The following SLC25A31 variants were observed in gnomAD, a reference collection of about 807,000 sequenced individuals.
SLC25A31 encodes the protein ADP/ATP translocase 4.
A neutral mutation model predicts 36.2 loss-of-function variants in SLC25A31; 40 were observed. The observed-to-expected ratio is 1.10, with a 90% CI of 0.86 to 1.44. The LOEUF is 1.44. Ranked by LOEUF, SLC25A31 falls within the 40% of genes most tolerant of loss-of-function variation. The pLI, the probability that SLC25A31 is intolerant of heterozygous loss-of-function variation, is 0.00. For synonymous variants in SLC25A31, 143 were observed against 149.7 expected, an observed-to-expected ratio of 0.96 and a Z score of 0.32; for missense variants, 350 against 397.1, an observed-to-expected ratio of 0.88 and a Z score of 1.01.
rs1474518955 is a variant in SLC25A31, at chr4:127,742,648, G to T, written c.233-2024G>T. Among the ~76,000 whole-genome samples, 5 of 152,192 alleles carry T rather than the reference G, an allele frequency of 3.3e-5. No homozygotes were observed. The South Asian group carries it at 1.0e-3, about 32-fold the overall frequency. The stretch of plus-strand genomic sequence containing the variant: ...ACCTAGACTAAACCCTTGGCATTTT[G>T]GTAACACTAATTTTTATTATCTCTC... On this transcript the variant is annotated intron_variant, in intron 1 of 5. Transcript: ENST00000281154.
chr4:127,742,786 C>T, intron 1 of SLC25A31, among the ~76,000 whole-genome samples: 1 of 152,176 alleles, frequency 6.6e-6, no homozygotes, highest in East Asian at 1.9e-4. Context: ...CTATAAACTT[C>T]TCTCTTAACT....
intron 1 of SLC25A31, among the ~76,000 whole-genome samples, chr4:127,734,437 A>G (rs943451748): frequency 3.3e-5 from 5 of 151,654 alleles, no homozygotes; most frequent in African/African-American, 9.7e-5. Flanking sequence ...GCGCACGCCT[A>G]TAGTCCCAGC....
At chr4:127,764,930 C>T (rs1399252507) in intron 3 of SLC25A31, among the ~76,000 whole-genome samples, 3 of 152,108 alleles carry the variant, frequency 2.0e-5, no homozygotes, top group Non-Finnish European at 4.4e-5. Flanking sequence ...TTCACAATTA[C>T]GAAAATATTA....
intron 5 of SLC25A31, among the ~76,000 whole-genome samples, chr4:127,772,655 C>T (rs1347316310): frequency 6.6e-6 from 1 of 151,992 alleles, no homozygotes; most frequent in East Asian, 1.9e-4. Flanking sequence ...TCATTAATTT[C>T]CTTATAAATT....
At chr4:127,743,260 AGTT>A (rs1731765133) in intron 1 of SLC25A31, among the ~76,000 whole-genome samples, 1 of 151,524 alleles carries the variant, frequency 6.6e-6, no homozygotes, top group Admixed American at 6.6e-5. Context: ...CCTCCTGAGT[AGTT>A]GGAACTACAG....
intron 2 of SLC25A31, among the ~76,000 whole-genome samples, 194 bp downstream of exon 2, chr4:127,744,993 T>TA (rs1330581933): frequency 6.6e-6 from 1 of 152,320 alleles, no homozygotes; most frequent in Admixed American, 6.5e-5. Flanking sequence ...TGTTTATTGT[T>TA]ACAAAAATCA....
chr4:127,730,842 G>A lies in SLC25A31; in HGVS notation c.232+65G>A, dbSNP rs747625068. ...CCCTCGTCAGCTTCCCAGAGAAGAG[G>A]GTGGCTGGGAGGGGCATGATTGTGG... On this transcript the variant is annotated intron_variant, in intron 1 of 5. Transcript: ENST00000281154. The A allele has an allele frequency of 5.5e-5, 82 of 1,479,234 alleles. No homozygotes were observed. The Middle Eastern group carries it at 9.3e-4, about 17-fold the overall frequency. 91.6% of individuals were successfully genotyped at this position (1,479,234 alleles called of 1,614,324 possible). A position where few individuals can be genotyped will look rare whatever the true frequency, so the allele number is the denominator to read the frequency against.
intron 2 of SLC25A31, among the ~76,000 whole-genome samples, chr4:127,761,212 A>G (rs552487866): frequency 2.0e-5 from 3 of 152,124 alleles, no homozygotes; most frequent in East Asian, 1.9e-4. Flanking sequence ...TCGTTTTTTC[A>G]TAGCTCCCAC....
intron 2 of SLC25A31, among the ~76,000 whole-genome samples, chr4:127,746,817 T>G (rs563018431): frequency 6.6e-6 from 1 of 152,324 alleles, no homozygotes; most frequent in Admixed American, 6.5e-5. Flanking sequence ...TTGCAATTGC[T>G]TTTGGTGTCT....
intron 1 of SLC25A31, 117 bp downstream of exon 1, chr4:127,730,894 G>A (rs929573512): frequency 3.0e-6 from 3 of 993,454 alleles, no homozygotes; most frequent in African/African-American, 1.6e-5. Context: ...TACAGCTGTC[G>A]GTGATGAATT....
At chr4:127,730,912 T>C in intron 1 of SLC25A31, 135 bp downstream of exon 1, 1 of 876,968 alleles carries the variant, frequency 1.1e-6, no homozygotes, top group Non-Finnish European at 1.7e-6. Flanking sequence ...ATTTGCTTCT[T>C]ACCCTTCCAG....
chr4:127,750,759 C>CAA (rs75329434), intron 2 of SLC25A31, among the ~76,000 whole-genome samples: 1 of 143,880 alleles, frequency 7.0e-6, no homozygotes, highest in East Asian at 2.0e-4. Context: ...CTAGTAAATA[C>CAA]AAAAAAAAAG....
At chr4:127,748,807 T>G (rs1458407761) in intron 2 of SLC25A31, among the ~76,000 whole-genome samples, 1 of 152,104 alleles carries the variant, frequency 6.6e-6, no homozygotes, top group Non-Finnish European at 1.5e-5. Flanking sequence ...TTTCTAAGAC[T>G]GCAAGAAAAG....
At chr4:127,760,416 G>A (rs546979909) in intron 2 of SLC25A31, among the ~76,000 whole-genome samples, 2 of 152,270 alleles carry the variant, frequency 1.3e-5, no homozygotes, top group South Asian at 2.1e-4. Flanking sequence ...TGCTCCACTA[G>A]TTTGTTCCAA....
At chr4:127,756,927 C>T (rs1450469439) in intron 2 of SLC25A31, among the ~76,000 whole-genome samples, 1 of 152,140 alleles carries the variant, frequency 6.6e-6, no homozygotes, top group Non-Finnish European at 1.5e-5. Context: ...CTAACATGCA[C>T]CCACCGTATG....
intron 5 of SLC25A31, among the ~76,000 whole-genome samples, chr4:127,770,656 G>A (rs948442686): frequency 6.6e-6 from 1 of 151,750 alleles, no homozygotes; most frequent in Non-Finnish European, 1.5e-5. Context: ...ATATGCACTC[G>A]AGTGTTTAAG....
intron 2 of SLC25A31, among the ~76,000 whole-genome samples, chr4:127,746,639 G>T (rs958477256): frequency 2.0e-5 from 3 of 151,504 alleles, no homozygotes; most frequent in Non-Finnish European, 4.4e-5. Context: ...TTGTTTTTCT[G>T]TTGCAAATTT....
chr4:127,771,346 C>A (rs1732357234), intron 5 of SLC25A31, among the ~76,000 whole-genome samples: 1 of 152,088 alleles, frequency 6.6e-6, no homozygotes, highest in Admixed American at 6.5e-5. Context: ...GACCCTATCT[C>A]CAAATACAGT....
At chr4:127,735,874 TTA>T (rs1731617068) in intron 1 of SLC25A31, among the ~76,000 whole-genome samples, 1 of 74,406 alleles carries the variant, frequency 1.3e-5, no homozygotes, top group African/African-American at 4.8e-5. Context: ...TTTATTTTAT[TTA>T]TTTATTTATT....
Sources: allele counts gnomAD v4.1 joint callset (sites outside exome capture counted in the v4.1 genomes callset), GRCh38; gene constraint gnomAD v4.1.1; transcripts MANE v1.5; gene names NCBI Gene and HGNC (gene_info 2026-07-23, HGNC 2026-07-21).